The following MAN2B1 variants were observed in gnomAD, a reference collection of about 807,000 sequenced individuals.
The protein encoded by MAN2B1 is lysosomal alpha-mannosidase.
In MAN2B1, 99 loss-of-function variants were observed where a neutral mutation model predicts 127.5. The observed-to-expected ratio is 0.78, with a 90% CI of 0.66 to 0.92. MAN2B1 has a LOEUF of 0.92. Ranked by LOEUF, MAN2B1 falls within the 40% of genes least tolerant of loss-of-function variation. MAN2B1 has a pLI of 0.00. For synonymous variants in MAN2B1, 573 were observed against 568.8 expected (o/e 1.01, Z -0.11); for missense variants, 1,304 against 1,384.8 (o/e 0.94, Z 0.93).
At position 12,660,301 on chromosome 19, in the gene MAN2B1, C is replaced by G. The variant is rs186834876; in HGVS notation, c.1026+959G>C. ...GGGGTGGATCACGAGGTCAAGAAAT[C>G]GAGACCATCCTGGCCAACATGGTGA... On this transcript the variant is annotated intron_variant, in intron 7 of 23. Transcript: ENST00000456935. 1.9e-3 allele frequency among the ~76,000 whole-genome samples: 288 copies of G among 152,214 alleles called. 2 individuals carry two copies. Among genetic ancestry groups the G allele is most frequent in the African/African-American group, 6.6e-3 (273 of 41,548 alleles).
rs1429239930 is a variant in MAN2B1 at position 12,664,860 on chromosome 19, G to A, written c.562C>T (p.Arg188Ter). 2.5e-6 allele frequency: 4 copies of A among 1,613,806 alleles called. No homozygotes were observed. Among genetic ancestry groups the A allele is most frequent in the Non-Finnish European group, 3.4e-6 (4 of 1,179,934 alleles). Residue 188 changes from arginine to a stop codon, truncating the protein, a stop_gained, in exon 4 of 24, where the codon CGA becomes TGA. Transcript: ENST00000456935. LOFTEE classifies it high-confidence loss of function. Reference sequence around the variant, plus strand: ...TCAATGTGCCAGGCCACACGGGGTCGCCCATCATTGCCAAATGTGTCCTCC... The same window carrying A: ...TCAATGTGCCAGGCCACACGGGGTCACCCATCATTGCCAAATGTGTCCTCC... ...FLEDTFGNDG[R>*]PRVAWHIDPF...
chr19:12,646,672 A>G lies in MAN2B1; in HGVS notation c.2984T>C (p.Met995Thr), dbSNP rs751630577. 6.2e-7 allele frequency: 1 copy of G among 1,614,006 alleles called. No individual in the cohort carries two copies. Among genetic ancestry groups the G allele is most frequent in the Non-Finnish European group, 8.5e-7 (1 of 1,179,984 alleles). The change falls in exon 24 of 24, where the codon ATG (methionine) becomes ACG (threonine). Residue 995 changes from methionine to threonine, a missense_variant. By Grantham distance (81) the Met-to-Thr change is moderately conservative (BLOSUM62 -1). Coordinates refer to ENST00000456935, the MANE Select transcript of MAN2B1 (RefSeq NM_000528.4). ...LDPANITLEP[M>T]EIRTFLASVQ... ...TGAGGCCAGGAAAGTGCGGATTTCC[A>G]TGGGTTCCAGCGTGATGTTGGCCGG...
At position 12,663,322 on chromosome 19, in the gene MAN2B1, C is replaced by A. The variant is rs1288920089; in HGVS notation, c.904G>T (p.Ala302Ser). Residue 302 changes from alanine to serine, a missense_variant, in exon 6 of 24, where the codon GCC becomes TCC. Ala to Ser is a moderately conservative substitution (Grantham distance 99). Transcript: ENST00000456935. Reference protein sequence around the residue: ...LVDYFLNVATAQGRYYRTNHT... With the variant: ...LVDYFLNVATSQGRYYRTNHT... ...GTTCTGGACACCAGGGTTACCTGGG[C>A]AGTGGCCACATTTAGGAAGTAATCG... 6.8e-6 allele frequency: 11 copies of A among 1,614,070 alleles called. No individual in the cohort carries two copies. Among genetic ancestry groups the A allele is most frequent in the Non-Finnish European group, 8.5e-6 (10 of 1,180,032 alleles).
intron 7 of MAN2B1, 50 bp downstream of exon 7, chr19:12,661,210 G>T: frequency 7.6e-7 from 1 of 1,313,362 alleles, no homozygotes; most frequent in Non-Finnish European, 1.1e-6. Context: ...CAAGGCCCCC[G>T]GATGCAAGCG....
chr19:12,649,791 C>A, intron 18 of MAN2B1, 122 bp downstream of exon 18: 1 of 879,750 alleles, frequency 1.1e-6, no homozygotes, highest in South Asian at 1.4e-5. Context: ...CTGGCTCCCC[C>A]GCCCTTCACT....
In MAN2B1 at chr19:12,652,357, C is replaced by T; in HGVS notation, c.1928+6G>A. 4 of 1,613,452 alleles carry T rather than the reference C, an allele frequency of 2.5e-6. No individual in the cohort carries two copies. Among genetic ancestry groups the T allele is most frequent in the South Asian group, 1.1e-5 (1 of 91,048 alleles). ...CCCACCCTCAGGCCTGGTGATCTTC[C>T]CTTACCAGAAGAAGGTCTGGCGAAC... On this transcript the variant is annotated splice_donor_region_variant and intron_variant, in intron 15 of 23. Transcript: ENST00000456935.
intron 23 of MAN2B1, 115 bp from the exon 24 acceptor site, chr19:12,646,847 A>G (rs1265620143): frequency 1.3e-6 from 1 of 758,610 alleles, no homozygotes; most frequent in African/African-American, 1.7e-5. Flanking sequence ...ATCTGTCTCC[A>G]GGGCCTCAAT....
rs114191291 is a variant in MAN2B1, at chr19:12,646,811, G to C, written c.2924-79C>G. On this transcript the variant is annotated intron_variant, in intron 23 of 23. Coordinates refer to ENST00000456935, the MANE Select transcript of MAN2B1 (RefSeq NM_000528.4). ...CACCCCACGATGCTTCCTCCCCTGG[G>C]TCTAGACACAGCTGCATATCCCCGA... 7.9e-6 allele frequency: 8 copies of C among 1,009,032 alleles called. 1 individual carries two copies. The Admixed American group carries it at 1.2e-4, about 16-fold the overall frequency. The allele number at this position is 1,009,032 out of a possible 1,614,324, so 62.5% of individuals were successfully genotyped here.
chr19:12,666,045 G>A (rs558093260), intron 1 of MAN2B1, among the ~76,000 whole-genome samples: 6 of 152,232 alleles, frequency 3.9e-5, no homozygotes, highest in Non-Finnish European at 8.8e-5. Flanking sequence ...AATAATAGAA[G>A]TAGCTGATGT....
chr19:12,655,991 G>T, intron 13 of MAN2B1, 112 bp from the exon 14 acceptor site: 1 of 804,272 alleles, frequency 1.2e-6, no homozygotes. Flanking sequence ...GAAAGGAAAT[G>T]GAGGTGTGTG....
At position 12,663,427 on chromosome 19, in the gene MAN2B1, G is replaced by A; in HGVS notation, c.799C>T (p.Leu267=). ...LPNGYNPPRN[L]CWDVLCVDQP... ...TCGACACACAGCACATCCCAGCACA[G>A]ATTCCTTGGCGGGTTGTAACCATTG... Residue 267 remains leucine (L), a synonymous_variant, in exon 6 of 24, where the codon CTG becomes TTG. Coordinates refer to ENST00000456935, the MANE Select transcript of MAN2B1 (RefSeq NM_000528.4). 1 of 1,614,124 alleles carries A rather than the reference G, an allele frequency of 6.2e-7. No homozygotes were observed. Among genetic ancestry groups the A allele is most frequent in the South Asian group, 1.1e-5 (1 of 91,084 alleles).
At chr19:12,656,089 C>T (rs1486895911) in intron 13 of MAN2B1, 1 of 526,002 alleles carries the variant, frequency 1.9e-6, no homozygotes, top group Non-Finnish European at 3.4e-6. Flanking sequence ...GGTGGAGAGA[C>T]CATGGAGTCG....
rs142797984 is a variant in MAN2B1 at position 12,647,270 on chromosome 19, G to A, written c.2886C>T (p.Arg962=). Residue 962 remains arginine (R), a synonymous_variant, in exon 23 of 24, where the codon CGC becomes CGT. Coordinates refer to ENST00000456935, the MANE Select transcript of MAN2B1 (RefSeq NM_000528.4). The surrounding 1 kb of genome is among the most constrained non-coding windows in gnomAD (Gnocchi z 4.9). The part of the protein sequence containing the change: ...QETTLVANQL[R]EAASRLKWTT... The stretch of plus-strand genomic sequence containing the variant: ...TCCACTTGAGCCTGGAGGCTGCCTC[G>A]CGGAGCTGGTTGGCCACCAGCGTGG... 7.9e-5 allele frequency: 128 copies of A among 1,614,092 alleles called. No homozygotes were observed. The highest frequency in any genetic ancestry group is 9.9e-5 in the Non-Finnish European group (117 of 1,180,004).
intron 14 of MAN2B1, among the ~76,000 whole-genome samples, chr19:12,654,431 A>C (rs1284238267): frequency 6.6e-6 from 1 of 151,670 alleles, no homozygotes; most frequent in Non-Finnish European, 1.5e-5. Flanking sequence ...GCACTTCCAC[A>C]CTGGCTGCCT....
In MAN2B1 at chr19:12,661,307, T is replaced by C. The variant is rs148926889; in HGVS notation, c.979A>G (p.Met327Val). ...GSDFQYENAN[M>V]WFKNLDKLIR... ...AGCTTGTCAAGGTTCTTGAACCACATGTTGGCATTCTCATATTGGAAGTCC... is the reference window on the plus strand; with the variant it reads ...AGCTTGTCAAGGTTCTTGAACCACACGTTGGCATTCTCATATTGGAAGTCC... Residue 327 changes from methionine to valine, a missense_variant, in exon 7 of 24, where the codon ATG (methionine) becomes GTG (valine). Transcript: ENST00000456935. 3.7e-6 allele frequency: 6 copies of C among 1,614,084 alleles called. No homozygotes were observed. Among genetic ancestry groups the C allele is most frequent in the Non-Finnish European group, 5.1e-6 (6 of 1,179,934 alleles).
intron 14 of MAN2B1, among the ~76,000 whole-genome samples, chr19:12,654,075 C>T (rs1335871599): frequency 6.7e-6 from 1 of 148,330 alleles, no homozygotes; most frequent in South Asian, 2.2e-4. Context: ...CGGAGTCTCA[C>T]TCTGTTGCCC....
At position 12,665,404 on chromosome 19, in the gene MAN2B1, C is replaced by T. The variant is rs1555709972; in HGVS notation, c.384G>A (p.Trp128Ter). Residue 128 changes from tryptophan (W) to a stop codon, truncating the protein, a stop_gained, in exon 3 of 24, where the codon TGG becomes TGA. Transcript: ENST00000456935. LOFTEE classifies it high-confidence loss of function. ...CCTGTGTGGCATTTGTCTGCTGGTG[C>T]CACCAACGGGAGAAGAAGGCAATCT... ...YVEIAFFSRW[W>*]HQQTNATQEV... 1 of 1,612,416 alleles carries T rather than the reference C, an allele frequency of 6.2e-7. No homozygotes were observed. The highest frequency in any genetic ancestry group is 8.5e-7 in the Non-Finnish European group (1 of 1,180,032).
chr19:12,653,649 A>G (rs1026441820), intron 14 of MAN2B1, among the ~76,000 whole-genome samples: 4 of 152,010 alleles, frequency 2.6e-5, no homozygotes, highest in Admixed American at 6.6e-5. Flanking sequence ...GGGTCCCACT[A>G]TGTTGCCTGG....
chr19:12,647,714 A>T lies in MAN2B1; in HGVS notation c.2665-116T>A, dbSNP rs568250986. ...TTGTAGGGGCGGGGTTTCGCCGGAG[A>T]GGGGCAAGGCTCAGCCGAGAGGAGC... On this transcript the variant is annotated intron_variant, in intron 21 of 23. Coordinates refer to ENST00000456935, the MANE Select transcript of MAN2B1 (RefSeq NM_000528.4). The surrounding 1 kb of genome is among the most constrained non-coding windows in gnomAD (Gnocchi z 4.9). 3,054 of 835,838 alleles carry T rather than the reference A, an allele frequency of 3.7e-3. 8 individuals carry two copies. The highest frequency in any genetic ancestry group is 4.8e-3 in the Non-Finnish European group (2,600 of 540,688). 51.8% of individuals were successfully genotyped at this position (835,838 alleles called of 1,614,324 possible).
Sources: gnomAD v4.1 joint callset for allele counts (sites outside exome capture counted in the v4.1 genomes callset) on GRCh38, gnomAD v4.1.1 for gene constraint, Gnocchi (gnomAD v3.1) non-coding constraint, MANE v1.5 for transcripts, NCBI Gene and HGNC (gene_info 2026-07-23, HGNC 2026-07-21) for gene names.